The following ME1 variants were observed in gnomAD, a reference collection of about 807,000 sequenced individuals.
ME1 encodes malic enzyme 1.
ME1 carries 74 observed loss-of-function variants against 66.4 expected under a neutral mutation model. The ratio of observed to expected loss-of-function variants is 1.11; its 90% CI spans 0.92 to 1.35. The LOEUF (loss-of-function observed/expected upper bound fraction) is 1.35, where lower values mean the gene tolerates loss of function less well. Ranked by LOEUF, ME1 falls within the 40% of genes most tolerant of loss-of-function variation. The pLI is 0.00. For missense variants in ME1, 750 were observed against 694.1 expected, an observed-to-expected ratio of 1.08 and a Z score of -0.90; for synonymous variants, 251 against 235.6, an observed-to-expected ratio of 1.07 and a Z score of -0.60.
intron 3 of ME1, among the ~76,000 whole-genome samples, chr6:83,376,997 G>C (rs1290027169): frequency 6.6e-6 from 1 of 151,952 alleles, no homozygotes; most frequent in African/African-American, 2.4e-5. Context: ...TCAAGTTTAT[G>C]ACAAAAGTGT....
intron 6 of ME1, among the ~76,000 whole-genome samples, chr6:83,269,180 CA>C (rs1376847787): frequency 6.6e-6 from 1 of 152,146 alleles, no homozygotes; most frequent in African/African-American, 2.4e-5. Context: ...TAAACAGTTT[CA>C]GTCTAATTAC....
intron 2 of ME1, among the ~76,000 whole-genome samples, chr6:83,403,195 G>A (rs1472319870): frequency 6.6e-6 from 1 of 152,280 alleles, no homozygotes; most frequent in African/African-American, 2.4e-5. Context: ...TATTGTGTTA[G>A]GTGGAAGTAT....
intron 3 of ME1, among the ~76,000 whole-genome samples, chr6:83,375,668 T>C (rs1219203505): frequency 6.6e-6 from 1 of 152,188 alleles, no homozygotes; most frequent in Non-Finnish European, 1.5e-5. Context: ...CCTTGTCTCA[T>C]GCCAGTTTTC....
intron 11 of ME1, among the ~76,000 whole-genome samples, chr6:83,226,252 G>A (rs1335167127): frequency 6.6e-6 from 1 of 152,098 alleles, no homozygotes; most frequent in Non-Finnish European, 1.5e-5. Flanking sequence ...CACATTCAAA[G>A]TTTAAAATAC....
At chr6:83,392,525 T>TC in intron 3 of ME1, 1 of 537,952 alleles carries the variant, frequency 1.9e-6, no homozygotes, top group Non-Finnish European at 3.7e-6. Flanking sequence ...AATGACCCCT[T>TC]CATTGACCTC....
At chr6:83,390,768 C>T (rs909963212) in intron 3 of ME1, among the ~76,000 whole-genome samples, 1 of 152,010 alleles carries the variant, frequency 6.6e-6, no homozygotes, top group Non-Finnish European at 1.5e-5. Flanking sequence ...CAAATACCTC[C>T]ACCTAGATTC....
At chr6:83,281,831 AAAAAG>A (rs1562468339) in intron 6 of ME1, among the ~76,000 whole-genome samples, 2 of 143,202 alleles carry the variant, frequency 1.4e-5, no homozygotes, top group Admixed American at 6.9e-5. Context: ...AAAAAAAAAA[AAAAAG>A]AAAAGAAAAC....
intron 9 of ME1, among the ~76,000 whole-genome samples, chr6:83,230,263 G>A (rs548622990): frequency 2.0e-5 from 3 of 151,794 alleles, no homozygotes; most frequent in African/African-American, 4.8e-5. Flanking sequence ...CGCAACCTCC[G>A]CCTCCCGGGT....
At chr6:83,254,707 C>T (rs533096864) in intron 6 of ME1, among the ~76,000 whole-genome samples, 8 of 152,140 alleles carry the variant, frequency 5.3e-5, no homozygotes, top group African/African-American at 9.6e-5. Flanking sequence ...TTCCTTGTTT[C>T]GAACCTCCCC....
intron 10 of ME1, among the ~76,000 whole-genome samples, chr6:83,228,085 G>A (rs1790232959): frequency 6.6e-6 from 1 of 152,166 alleles, no homozygotes; most frequent in African/African-American, 2.4e-5. Context: ...GTTGTCATCT[G>A]TTTCACAAGA....
intron 6 of ME1, among the ~76,000 whole-genome samples, chr6:83,277,371 T>C (rs1260372983): frequency 6.6e-6 from 1 of 152,166 alleles, no homozygotes; most frequent in Non-Finnish European, 1.5e-5. Context: ...CACCCCCAGT[T>C]TAATTAGAAC....
At chr6:83,297,304 C>CA (rs1303211784) in intron 6 of ME1, among the ~76,000 whole-genome samples, 1 of 152,096 alleles carries the variant, frequency 6.6e-6, no homozygotes, top group East Asian at 1.9e-4. Context: ...GGAAGGAAAT[C>CA]AGAGACAACA....
intron 11 of ME1, among the ~76,000 whole-genome samples, chr6:83,226,051 A>ATCT (rs1024306765): frequency 6.6e-6 from 1 of 151,948 alleles, no homozygotes; most frequent in African/African-American, 2.4e-5. Context: ...AACCTTTCCT[A>ATCT]TCTTCACCTG....
Position 83,298,931 on chromosome 6 carries a change from GTTTTTTTTTTT to G in ME1, c.704+16368_704+16378del, listed in dbSNP as rs61055748. ...TGCTGTTCCATTAGTCTATGTGTCT[GTTTTTTTTTTT>G]TTTTTTTTTTTTTTTTTTTTTTTTT... On this transcript the variant is annotated intron_variant, in intron 6 of 13. Transcript: ENST00000369705. Among the ~76,000 whole-genome samples the G allele has an allele frequency of 5.9e-3, 132 of 22,468 alleles. 1 individual carries two copies. The highest frequency in any genetic ancestry group is 0.015 in the African/African-American group (82 of 5,318). The allele number at this position is 22,468 out of a possible 152,430, so 14.7% of individuals were successfully genotyped here. A position where few individuals can be genotyped will look rare whatever the true frequency, so the allele number is the denominator to read the frequency against.
At chr6:83,237,228 A>AAAGG (rs1790417152) in intron 9 of ME1, among the ~76,000 whole-genome samples, 1 of 16,390 alleles carries the variant, frequency 6.1e-5, no homozygotes, top group Non-Finnish European at 1.3e-4. Flanking sequence ...CAGAGAGAGA[A>AAAGG]AAGAAAGAAA....
At chr6:83,425,915 G>GT (rs11419509) in intron 1 of ME1, among the ~76,000 whole-genome samples, 71,090 of 151,982 alleles carry the variant, frequency 0.47, 18,519 homozygotes, top group African/African-American at 0.69. Flanking sequence ...TCCATGTGTT[G>GT]TTAATCCCCA....
intron 12 of ME1, among the ~76,000 whole-genome samples, chr6:83,219,431 A>T (rs112368324): frequency 2.6e-5 from 4 of 152,220 alleles, no homozygotes; most frequent in African/African-American, 9.6e-5. Flanking sequence ...GTATTTGGGC[A>T]AATTAATTAA....
chr6:83,216,987 A>G (rs1041444388), intron 12 of ME1, among the ~76,000 whole-genome samples: 1 of 152,214 alleles, frequency 6.6e-6, no homozygotes, highest in Non-Finnish European at 1.5e-5. Context: ...ATCCAAGGCT[A>G]AGCATGCCAT....
intron 6 of ME1, among the ~76,000 whole-genome samples, chr6:83,270,503 C>G (rs919384108): frequency 6.6e-6 from 1 of 152,048 alleles, no homozygotes; most frequent in Admixed American, 6.6e-5. Context: ...TGATTAGAAA[C>G]AGCTGAGAAA....
Sources: allele counts gnomAD v4.1 joint callset (sites outside exome capture counted in the v4.1 genomes callset), GRCh38; gene constraint gnomAD v4.1.1; transcripts MANE v1.5; gene names NCBI Gene and HGNC (gene_info 2026-07-23, HGNC 2026-07-21).